NBEA: variants seen among roughly 807,000 people sequenced by gnomAD.
The protein encoded by NBEA is lysosomal-trafficking regulator 2.
A neutral mutation model predicts 343.4 loss-of-function variants in NBEA; 44 were observed. The ratio of observed to expected loss-of-function variants is 0.13; its 90% CI spans 0.10 to 0.16. NBEA has a LOEUF of 0.16. NBEA is among the 10% of genes least tolerant of loss of function. The pLI is 1.00. For synonymous variants in NBEA, 1,175 were observed against 1,238.7 expected, an observed-to-expected ratio of 0.95 and a Z score of 1.08; for missense variants, 2,555 against 3,631.3, an observed-to-expected ratio of 0.70 and a Z score of 7.62.
At position 35,109,437 on chromosome 13, in the gene NBEA, G is replaced by T. The variant is rs1170701454; in HGVS notation, c.1828G>T (p.Ala610Ser). 6.2e-7 allele frequency: 1 copy of T among 1,603,186 alleles called. No homozygotes were observed. The highest frequency in any genetic ancestry group is 8.5e-7 in the Non-Finnish European group (1 of 1,175,868). ...FNPAIWIHTP[A>S]KVQLSLYTYL... ...CCCAGCCATCTGGATACATACACCT[G>T]CAAAGGTATGAATTTTATACTTATT... is the stretch of plus-strand genomic sequence containing the variant. Residue 610 changes from alanine to serine, a missense_variant, in exon 12 of 59, where the codon GCA becomes TCA. By Grantham distance (99) the Ala-to-Ser change is moderately conservative. Transcript: ENST00000379939.
intron 39 of NBEA, among the ~76,000 whole-genome samples, chr13:35,440,922 A>G (rs1359737054): frequency 6.6e-6 from 1 of 152,188 alleles, no homozygotes; most frequent in Non-Finnish European, 1.5e-5. Flanking sequence ...CTTACAGCCT[A>G]TCGTCTGTAA....
At chr13:35,518,031 C>T (rs2077551793) in intron 41 of NBEA, among the ~76,000 whole-genome samples, 1 of 151,890 alleles carries the variant, frequency 6.6e-6, no homozygotes, top group Non-Finnish European at 1.5e-5. Flanking sequence ...ATTTTCTTTC[C>T]TAATTTACAT....
rs185885116 is a variant in NBEA, at chr13:35,143,765, G to T, written c.2445+1388G>T. On this transcript the variant is annotated intron_variant, in intron 18 of 58. Coordinates refer to ENST00000379939, the MANE Select transcript of NBEA (RefSeq NM_001385012.1). ...TAACCTGTAATCTCAGCTACTTGCG[G>T]GGCTGAGGCAGGAGGACTGCTTGAT... Among the ~76,000 whole-genome samples, 334 of 152,098 alleles carry T rather than the reference G, an allele frequency of 2.2e-3. 1 individual carries two copies. Among genetic ancestry groups the T allele is most frequent in the Non-Finnish European group, 3.8e-3 (259 of 67,972 alleles).
intron 49 of NBEA, among the ~76,000 whole-genome samples, chr13:35,644,626 A>G (rs1267829529): frequency 6.6e-6 from 1 of 152,196 alleles, no homozygotes; most frequent in Non-Finnish European, 1.5e-5. Context: ...ATCTGTTGTT[A>G]GAGAGACGTT....
chr13:34,989,466 A>G (rs979178734), intron 1 of NBEA, among the ~76,000 whole-genome samples: 9 of 150,900 alleles, frequency 6.0e-5, no homozygotes, highest in African/African-American at 2.2e-4. Flanking sequence ...GTGGAGCAGG[A>G]TAGAGGGTGA....
intron 31 of NBEA, among the ~76,000 whole-genome samples, chr13:35,199,044 C>T (rs921998274): frequency 4.6e-5 from 7 of 151,976 alleles, no homozygotes; most frequent in Admixed American, 1.3e-4. Context: ...GCCAGCCAGA[C>T]GGGTTTGATT....
At chr13:35,181,902 A>G (rs1378987088) in intron 28 of NBEA, among the ~76,000 whole-genome samples, 2 of 151,664 alleles carry the variant, frequency 1.3e-5, no homozygotes, top group Non-Finnish European at 3.0e-5. Context: ...TTGTATTCAT[A>G]TAGTCTCTTG....
At chr13:34,978,369 T>C (rs985164166) in intron 1 of NBEA, among the ~76,000 whole-genome samples, 1 of 152,340 alleles carries the variant, frequency 6.6e-6, no homozygotes, top group Non-Finnish European at 1.5e-5. Flanking sequence ...AAAATAACTT[T>C]ATCACATATC....
At chr13:35,395,035 G>A (rs529121733) in intron 38 of NBEA, among the ~76,000 whole-genome samples, 5 of 151,998 alleles carry the variant, frequency 3.3e-5, no homozygotes, top group Non-Finnish European at 7.4e-5. Context: ...TGTTGTTTAA[G>A]TTTCCGATAT....
At chr13:35,461,567 T>C (rs1457394100) in intron 40 of NBEA, among the ~76,000 whole-genome samples, 1 of 152,178 alleles carries the variant, frequency 6.6e-6, no homozygotes, top group Non-Finnish European at 1.5e-5. Flanking sequence ...TCTTGTTAGA[T>C]CACATTTGAG....
At chr13:35,244,533 G>C (rs918793596) in intron 34 of NBEA, among the ~76,000 whole-genome samples, 11 of 152,036 alleles carry the variant, frequency 7.2e-5, no homozygotes, top group Non-Finnish European at 1.5e-5. Context: ...GGTATCATTT[G>C]AAGTCAGGTA....
At chr13:35,409,882 ATG>A (rs2043485909) in intron 38 of NBEA, among the ~76,000 whole-genome samples, 1 of 152,044 alleles carries the variant, frequency 6.6e-6, no homozygotes, top group Non-Finnish European at 1.5e-5. Context: ...TTCTTTTTTC[ATG>A]TCTTTATTTG....
intron 35 of NBEA, among the ~76,000 whole-genome samples, chr13:35,295,473 A>C (rs953164068): frequency 6.6e-6 from 1 of 152,250 alleles, no homozygotes; most frequent in South Asian, 2.1e-4. Flanking sequence ...TTGGGCATTT[A>C]ATTTTTTTGG....
intron 38 of NBEA, among the ~76,000 whole-genome samples, chr13:35,362,459 T>C (rs1201332778): frequency 6.6e-6 from 1 of 151,922 alleles, no homozygotes; most frequent in Non-Finnish European, 1.5e-5. Context: ...AATTTTTATA[T>C]AATATAAAAT....
chr13:35,003,056 G>T (rs1593428508), intron 1 of NBEA, among the ~76,000 whole-genome samples: 1 of 152,194 alleles, frequency 6.6e-6, no homozygotes, highest in East Asian at 1.9e-4. Context: ...AACGAAGAAT[G>T]CACACACTCA....
chr13:35,356,407 A>C (rs889439627), intron 38 of NBEA, among the ~76,000 whole-genome samples: 1 of 152,196 alleles, frequency 6.6e-6, no homozygotes, highest in African/African-American at 2.4e-5. Context: ...TGAATGTTAC[A>C]GATTTGGTTT....
intron 34 of NBEA, among the ~76,000 whole-genome samples, chr13:35,245,533 T>G (rs2031055022): frequency 6.6e-6 from 1 of 152,202 alleles, no homozygotes. Context: ...GTATCTTTCA[T>G]TCATTTATGA....
At chr13:35,547,146 A>G (rs888678781) in intron 41 of NBEA, among the ~76,000 whole-genome samples, 1 of 152,324 alleles carries the variant, frequency 6.6e-6, no homozygotes, top group Non-Finnish European at 1.5e-5. Flanking sequence ...TTTGAAAAGC[A>G]TATAAGAACA....
At chr13:35,142,647 C>A (rs1479324862) in intron 18 of NBEA, among the ~76,000 whole-genome samples, 1 of 152,174 alleles carries the variant, frequency 6.6e-6, no homozygotes, top group African/African-American at 2.4e-5. Flanking sequence ...GTCTTTCTCA[C>A]ATAAACTACA....
Sources: allele counts gnomAD v4.1 joint callset (sites outside exome capture counted in the v4.1 genomes callset), GRCh38; gene constraint gnomAD v4.1.1; transcripts MANE v1.5; gene names NCBI Gene and HGNC (gene_info 2026-07-23, HGNC 2026-07-21).